The following RGPD4 variants were observed in gnomAD, a reference collection of about 807,000 sequenced individuals.
The protein encoded by RGPD4 is RANBP2 like and GRIP domain containing 4.
A neutral mutation model predicts 141.1 loss-of-function variants in RGPD4; 84 were observed. The observed-to-expected ratio is 0.60, with a 90% CI of 0.50 to 0.71. The LOEUF (loss-of-function observed/expected upper bound fraction) is 0.71. Among genes scored for constraint, RGPD4 ranks in the 30% least tolerant of loss-of-function variants. RGPD4 has a pLI of 0.00. For synonymous variants in RGPD4, 298 were observed against 566.8 expected, an observed-to-expected ratio of 0.53 and a Z score of 6.74; for missense variants, 918 against 1,622.4, an observed-to-expected ratio of 0.57 and a Z score of 7.46.
chr2:107,863,496 T>C (rs1682627382), intron 17 of RGPD4, among the ~76,000 whole-genome samples: 1 of 143,670 alleles, frequency 7.0e-6, no homozygotes, highest in African/African-American at 2.7e-5. Flanking sequence ...CCATATTTTA[T>C]TTTATTTTAT....
In RGPD4 at chr2:107,872,808, T is replaced by C. The variant is rs751455651; in HGVS notation, c.4804T>C (p.Cys1602Arg). 6.2e-6 allele frequency: 10 copies of C among 1,610,006 alleles called. No individual in the cohort carries two copies. Among genetic ancestry groups the C allele is most frequent in the Non-Finnish European group, 2.5e-6 (3 of 1,179,622 alleles). ...TGAAAGCAAAGTGGAACCTAAAAAA[T>C]GTGAACTGTCAAAGAACTCTGATAT... ...GSESKVEPKK[C>R]ELSKNSDIEQ... The change falls in exon 20 of 23, where the codon TGT becomes CGT. Residue 1602 changes from cysteine (C) to arginine (R), a missense_variant. Transcript: ENST00000408999.
At chr2:107,888,463 G>T (rs1675568169) in intron 22 of RGPD4, among the ~76,000 whole-genome samples, 1 of 150,912 alleles carries the variant, frequency 6.6e-6, no homozygotes, top group Admixed American at 6.6e-5. Flanking sequence ...CATAACCAGT[G>T]CCAAGTTGTC....
chr2:107,849,622 A>G (rs1209594053), intron 7 of RGPD4, among the ~76,000 whole-genome samples: 8 of 70,922 alleles, frequency 1.1e-4, no homozygotes, highest in Admixed American at 1.3e-4. Context: ...CACCTGCCTC[A>G]GCCTCCCAGA....
chr2:107,865,755 T>G (rs1451625446), intron 17 of RGPD4, among the ~76,000 whole-genome samples: 1 of 149,172 alleles, frequency 6.7e-6, no homozygotes, highest in Non-Finnish European at 1.5e-5. Flanking sequence ...CTAGAACTCA[T>G]TGGCAAATAG....
At position 107,848,336 on chromosome 2, in the gene RGPD4, TAC is replaced by T; in HGVS notation, c.783-3_783-2del. 1 of 75,022 alleles carries T rather than the reference TAC, an allele frequency of 1.3e-5. No individual in the cohort carries two copies. The highest frequency in any genetic ancestry group is 2.3e-5 in the Non-Finnish European group (1 of 43,174). The allele number at this position is 75,022 out of a possible 1,614,324, so 4.6% of individuals were successfully genotyped here. ...TATCATCTGTTTGATATTTTCATAT[TAC>T]AGTTTTGATAGTGCTCTTCAGTCTG... is the stretch of plus-strand genomic sequence containing the variant. On this transcript the variant is annotated splice_region_variant and splice_polypyrimidine_tract_variant and intron_variant, in intron 6 of 22. Transcript: ENST00000408999.
intron 22 of RGPD4, among the ~76,000 whole-genome samples, chr2:107,885,614 G>T (rs1299187307): frequency 6.6e-6 from 1 of 152,100 alleles, no homozygotes; most frequent in Non-Finnish European, 1.5e-5. Flanking sequence ...AAACAGACAG[G>T]AAAACACATT....
chr2:107,858,565 C>T (rs1175909247), intron 9 of RGPD4, among the ~76,000 whole-genome samples: 14 of 152,184 alleles, frequency 9.2e-5, no homozygotes, highest in South Asian at 2.1e-4. Flanking sequence ...CAGCCTCCCA[C>T]GTAGCTGGGA....
intron 8 of RGPD4, among the ~76,000 whole-genome samples, chr2:107,855,526 G>C (rs1050297020): frequency 1.3e-5 from 2 of 151,930 alleles, no homozygotes; most frequent in African/African-American, 4.8e-5. Flanking sequence ...TTATGTCTTT[G>C]ATCTGGGCAT....
At chr2:107,884,820 A>G (rs1040173755) in intron 22 of RGPD4, among the ~76,000 whole-genome samples, 5 of 152,096 alleles carry the variant, frequency 3.3e-5, no homozygotes, top group Non-Finnish European at 7.4e-5. Context: ...CTGGTCCCCA[A>G]TTTCTGACCC....
intron 22 of RGPD4, among the ~76,000 whole-genome samples, chr2:107,885,433 T>G (rs998011859): frequency 1.3e-5 from 2 of 152,176 alleles, no homozygotes; most frequent in Non-Finnish European, 2.9e-5. Flanking sequence ...ATGTTTAATG[T>G]AGATGTTGCT....
At chr2:107,833,246 AAGAG>A (rs1313237279) in intron 1 of RGPD4, among the ~76,000 whole-genome samples, 3 of 152,082 alleles carry the variant, frequency 2.0e-5, no homozygotes, top group African/African-American at 4.8e-5. Flanking sequence ...TAAAAAAAAA[AAGAG>A]AGAAATTTAG....
chr2:107,882,726 G>A lies in RGPD4; in HGVS notation c.5119G>A (p.Ala1707Thr), dbSNP rs763307994. 7 of 1,611,684 alleles carry A rather than the reference G, an allele frequency of 4.3e-6. No homozygotes were observed. Among genetic ancestry groups the A allele is most frequent in the Non-Finnish European group, 5.9e-6 (7 of 1,179,866 alleles). ...AAGGAATCAAGAGCAAGAGGAGTCTGCAGCTAACGTGGAACACTTGAAGAA... is the reference window on the plus strand; with the variant it reads ...AAGGAATCAAGAGCAAGAGGAGTCTACAGCTAACGTGGAACACTTGAAGAA... ...LERNQEQEES[A>T]ANVEHLKNVL... The change falls in exon 22 of 23, where the codon GCA becomes ACA. Residue 1707 changes from alanine (A) to threonine (T), a missense_variant. Coordinates refer to ENST00000408999, the MANE Select transcript of RGPD4 (RefSeq NM_182588.3).
Position 107,890,881 on chromosome 2 carries a change from G to A in RGPD4, c.*150G>A. 2 of 761,712 alleles carry A rather than the reference G, an allele frequency of 2.6e-6. No homozygotes were observed. Among genetic ancestry groups the A allele is most frequent in the Non-Finnish European group, 4.3e-6 (2 of 464,428 alleles). The allele number at this position is 761,712 out of a possible 1,614,324, so 47.2% of individuals were successfully genotyped here. A position where few individuals can be genotyped will look rare whatever the true frequency, so the allele number is the denominator to read the frequency against. On this transcript the variant is annotated 3_prime_UTR_variant, in exon 23 of 23. Coordinates refer to ENST00000408999, the MANE Select transcript of RGPD4 (RefSeq NM_182588.3). ...TACCATCATTCTTTTGTCAAAAAGT[G>A]TGTATATGTTTGCATTTACATATAT... is the stretch of plus-strand genomic sequence containing the variant.
rs1054887625 is a variant in RGPD4, at chr2:107,826,956, G to A, written c.-58G>A. 9 of 1,559,962 alleles carry A rather than the reference G, an allele frequency of 5.8e-6. No individual in the cohort carries two copies. The highest frequency in any genetic ancestry group is 1.4e-5 in the African/African-American group (1 of 73,632). On this transcript the variant is annotated 5_prime_UTR_variant, in exon 1 of 23. Coordinates refer to ENST00000408999, the MANE Select transcript of RGPD4 (RefSeq NM_182588.3). ...CAGGCGCTTTCCTGTTGGAATTGGC[G>A]ACTGCTGCGGGGCTGAGCGCTGGTT... is the stretch of plus-strand genomic sequence containing the variant.
At chr2:107,831,551 C>A (rs549210001) in intron 1 of RGPD4, among the ~76,000 whole-genome samples, 3 of 102,280 alleles carry the variant, frequency 2.9e-5, no homozygotes, top group Admixed American at 9.2e-5. Context: ...CCATTTTAGA[C>A]ATTTTCTTTT....
At chr2:107,832,107 C>G (rs1363932525) in intron 1 of RGPD4, among the ~76,000 whole-genome samples, 1 of 151,628 alleles carries the variant, frequency 6.6e-6, no homozygotes, top group Admixed American at 6.6e-5. Flanking sequence ...TGTGTTACTA[C>G]TTGCTTACTT....
At chr2:107,890,287 G>A (rs1406700525) in intron 22 of RGPD4, among the ~76,000 whole-genome samples, 4 of 57,606 alleles carry the variant, frequency 6.9e-5, no homozygotes, top group Non-Finnish European at 1.4e-4. Context: ...ACAGTGGCTC[G>A]TGACTGTAAT....
At chr2:107,831,338 AT>A (rs988887437) in intron 1 of RGPD4, among the ~76,000 whole-genome samples, 7 of 128,082 alleles carry the variant, frequency 5.5e-5, no homozygotes, top group Admixed American at 8.8e-5. Context: ...TTTTATTTAT[AT>A]TTTTTTTAGA....
chr2:107,840,505 G>T (rs948069540), intron 4 of RGPD4, among the ~76,000 whole-genome samples: 1 of 148,456 alleles, frequency 6.7e-6, no homozygotes, highest in African/African-American at 2.5e-5. Flanking sequence ...CAGAAACGGG[G>T]TTTCACCATG....
Sources: gnomAD v4.1 joint callset for allele counts (sites outside exome capture counted in the v4.1 genomes callset) on GRCh38, gnomAD v4.1.1 for gene constraint, MANE v1.5 for transcripts, NCBI Gene and HGNC (gene_info 2026-07-23, HGNC 2026-07-21) for gene names.